The following MEIKIN variants were observed in gnomAD, a reference collection of about 807,000 sequenced individuals.
MEIKIN encodes meiosis-specific kinetochore protein.
At chr5:131,877,420 A>C (rs1004081322) in intron 9 of MEIKIN, among the ~76,000 whole-genome samples, 2 of 152,174 alleles carry the variant, frequency 1.3e-5, no homozygotes, top group African/African-American at 2.4e-5. Flanking sequence ...AAGCGGGTGG[A>C]TCGCTTGAAC....
chr5:131,913,010 A>G (rs1021567728), intron 7 of MEIKIN, among the ~76,000 whole-genome samples: 11 of 152,332 alleles, frequency 7.2e-5, no homozygotes, highest in Non-Finnish European at 1.3e-4. Flanking sequence ...AGTCTTTCTC[A>G]ATCTTGACTG....
At chr5:131,849,295 TCTTCCTCCTGCTCTGGCCA>T in intron 11 of MEIKIN, among the ~76,000 whole-genome samples, 1 of 151,978 alleles carries the variant, frequency 6.6e-6, no homozygotes, top group African/African-American at 2.4e-5. Flanking sequence ...CCATTTTCTC[TCTTCCTCCTGCTCTGGCCA>T]TGTAAGATGC....
At chr5:131,816,882 T>C (rs11242095) in intron 12 of MEIKIN, among the ~76,000 whole-genome samples, 97,339 of 152,096 alleles carry the variant, frequency 0.64, 33,063 homozygotes, top group Non-Finnish European at 0.77. Context: ...TGGTCAATTT[T>C]AGATATCAAT....
intron 11 of MEIKIN, among the ~76,000 whole-genome samples, chr5:131,826,555 T>TA (rs1749611665): frequency 6.6e-6 from 1 of 152,336 alleles, no homozygotes; most frequent in South Asian, 2.1e-4. Flanking sequence ...CCATGATTGA[T>TA]AGAGTTTGGC....
chr5:131,828,452 CT>C (rs1235141571), intron 11 of MEIKIN, among the ~76,000 whole-genome samples: 11 of 152,294 alleles, frequency 7.2e-5, no homozygotes, highest in African/African-American at 2.4e-4. Context: ...GCGTGAGCCA[CT>C]GTGCCTGGCC....
Position 131,894,873 on chromosome 5 carries a change from G to A in MEIKIN, c.704-15825C>T, listed in dbSNP as rs1005629524. Among the ~76,000 whole-genome samples, 12 of 152,126 alleles carry A rather than the reference G, an allele frequency of 7.9e-5. No individual in the cohort carries two copies. In the South Asian group the frequency reaches 8.3e-4, roughly 11 times the overall value. On this transcript the variant is annotated intron_variant, in intron 8 of 12. Coordinates refer to ENST00000442687, the MANE Select transcript of MEIKIN (RefSeq NM_001303622.2). ...GGGACGATTTTACTTCCTCTTTTCC[G>A]AACTGAATACCCTTTATTTCTTTCT...
intron 11 of MEIKIN, among the ~76,000 whole-genome samples, chr5:131,839,609 C>A (rs1436295416): frequency 6.6e-6 from 1 of 151,720 alleles, no homozygotes; most frequent in Non-Finnish European, 1.5e-5. Context: ...TTATGTAATG[C>A]CCTTGTCTTT....
intron 9 of MEIKIN, among the ~76,000 whole-genome samples, chr5:131,864,214 T>C (rs1046942060): frequency 6.6e-6 from 1 of 152,220 alleles, no homozygotes; most frequent in East Asian, 1.9e-4. Flanking sequence ...TTAATTGTTT[T>C]CTGATCTGTA....
At chr5:131,881,094 T>C (rs1330844407) in intron 8 of MEIKIN, among the ~76,000 whole-genome samples, 2 of 152,106 alleles carry the variant, frequency 1.3e-5, no homozygotes, top group Non-Finnish European at 2.9e-5. Context: ...ATAAAACTAA[T>C]ACCAAGATTT....
intron 5 of MEIKIN, among the ~76,000 whole-genome samples, chr5:131,922,312 G>C (rs77297883): frequency 1.3e-5 from 2 of 151,800 alleles, no homozygotes; most frequent in South Asian, 4.1e-4. Context: ...CACATTTGTG[G>C]ATTCAACCAA....
intron 4 of MEIKIN, among the ~76,000 whole-genome samples, chr5:131,934,871 C>G (rs1419508040): frequency 6.6e-6 from 1 of 151,700 alleles, no homozygotes; most frequent in African/African-American, 2.4e-5. Context: ...TCCTGGCCAA[C>G]ATGGTGAAAC....
At chr5:131,880,876 T>G (rs1001944481) in intron 8 of MEIKIN, among the ~76,000 whole-genome samples, 4 of 152,246 alleles carry the variant, frequency 2.6e-5, no homozygotes, top group Non-Finnish European at 4.4e-5. Context: ...GAATAATATT[T>G]TAGTATATCA....
chr5:131,938,495 C>T (rs1580916564), intron 4 of MEIKIN, among the ~76,000 whole-genome samples: 1 of 152,208 alleles, frequency 6.6e-6, no homozygotes, highest in African/African-American at 2.4e-5. Flanking sequence ...AGTGTACAAT[C>T]AGTGGTTTTT....
rs560619423 is a variant in MEIKIN, at chr5:131,854,991, A to G, written c.775-157T>C. 4.0e-4 allele frequency among the ~76,000 whole-genome samples: 61 copies of G among 152,358 alleles called. 1 individual carries two copies. In the South Asian group the frequency reaches 7.9e-3, roughly 20 times the overall value. ...ATTAAATTTTAAACCACTTCACAGGAAACTAAAGAATTTTCTCACTTGAGC... is the reference window on the plus strand; with the variant it reads ...ATTAAATTTTAAACCACTTCACAGGGAACTAAAGAATTTTCTCACTTGAGC... On this transcript the variant is annotated intron_variant, in intron 9 of 12. Coordinates refer to ENST00000442687, the MANE Select transcript of MEIKIN (RefSeq NM_001303622.2).
chr5:131,894,136 C>A (rs1303440845), intron 8 of MEIKIN, among the ~76,000 whole-genome samples: 1 of 152,184 alleles, frequency 6.6e-6, no homozygotes, highest in Non-Finnish European at 1.5e-5. Context: ...GTTTTCCCAG[C>A]ACCATTTATT....
At position 131,914,592 on chromosome 5, in the gene MEIKIN, GAAGGGAAGGGAAGGGAAGGA is replaced by G. The variant is rs1417092314; in HGVS notation, c.638+2274_638+2293del. On this transcript the variant is annotated intron_variant, in intron 7 of 12. Coordinates refer to ENST00000442687, the MANE Select transcript of MEIKIN (RefSeq NM_001303622.2). Reference sequence around the variant, plus strand: ...GAAGAGAAGGGAAGGGAAGGGAAGGGAAGGGAAGGGAAGGGAAGGAAAGGGAAGGAAAGGAATTCTTTTTC... The same window carrying G: ...GAAGAGAAGGGAAGGGAAGGGAAGGGAAGGGAAGGAAAGGAATTCTTTTTC... 6.0e-3 allele frequency among the ~76,000 whole-genome samples: 604 copies of G among 100,296 alleles called. 9 individuals are homozygous for G. Among genetic ancestry groups the G allele is most frequent in the African/African-American group, 0.015 (439 of 28,794 alleles). The allele number at this position is 100,296 out of a possible 152,430, so 65.8% of individuals were successfully genotyped here.
intron 11 of MEIKIN, among the ~76,000 whole-genome samples, chr5:131,838,671 T>C (rs1749853514): frequency 1.3e-5 from 2 of 152,140 alleles, no homozygotes; most frequent in African/African-American, 4.8e-5. Flanking sequence ...TCATGGTTAT[T>C]TGCTTTTCTG....
intron 11 of MEIKIN, among the ~76,000 whole-genome samples, chr5:131,850,472 T>C (rs1750092934): frequency 6.6e-6 from 1 of 152,102 alleles, no homozygotes; most frequent in Non-Finnish European, 1.5e-5. Context: ...GGTACTAACA[T>C]AAAGACAGAC....
chr5:131,843,473 G>A (rs1749955491), intron 11 of MEIKIN, among the ~76,000 whole-genome samples: 1 of 152,162 alleles, frequency 6.6e-6, no homozygotes, highest in Non-Finnish European at 1.5e-5. Flanking sequence ...TATAAACATA[G>A]GCTGTTAGAA....
Sources: allele counts gnomAD v4.1 joint callset (sites outside exome capture counted in the v4.1 genomes callset), GRCh38; gene constraint gnomAD v4.1.1; transcripts MANE v1.5; gene names NCBI Gene and HGNC (gene_info 2026-07-23, HGNC 2026-07-21).